Variants in ANKS1B observed in about 807,000 individuals in gnomAD.
ANKS1B encodes ankyrin repeat and sterile alpha motif domain containing 1B.
Under a neutral mutation model 148.3 loss-of-function variants are expected in ANKS1B, and 36 were observed. The observed-to-expected ratio is 0.24, with a 90% CI of 0.19 to 0.32. The LOEUF is 0.32. Among genes scored for constraint, ANKS1B ranks in the 10% least tolerant of loss-of-function variants. The pLI is 1.00. For missense variants in ANKS1B, 1,157 were observed against 1,542.6 expected (o/e 0.75, Z 4.19); for synonymous variants, 542 against 560.8 (o/e 0.97, Z 0.47).
chr12:98,975,279 T>A (rs933776209), intron 17 of ANKS1B, among the ~76,000 whole-genome samples: 2 of 143,702 alleles, frequency 1.4e-5, no homozygotes, highest in Non-Finnish European at 3.1e-5. Context: ...CTCCCTCCCT[T>A]CCTTTTTTCT....
intron 15 of ANKS1B, among the ~76,000 whole-genome samples, chr12:99,135,394 C>T (rs113117463): frequency 2.0e-5 from 3 of 152,028 alleles, no homozygotes; most frequent in Admixed American, 2.0e-4. Context: ...CAAAATGTAC[C>T]TTTATATTTA....
rs192206025 is a variant in ANKS1B, at chr12:99,512,450, G to A, written c.1273-7809C>T. 8.5e-4 allele frequency among the ~76,000 whole-genome samples: 130 copies of A among 152,224 alleles called. 1 individual carries two copies. The South Asian group carries it at 0.012, about 14-fold the overall frequency. On this transcript the variant is annotated intron_variant, in intron 9 of 26. Coordinates refer to ENST00000683438, the MANE Select transcript of ANKS1B (RefSeq NM_001352186.2). The stretch of plus-strand genomic sequence containing the variant: ...AAAAAGGAATGCTTTCATACTGTTG[G>A]TGGGAGTGTAAATTAGTTCAACCAT...
At chr12:99,904,175 C>A (rs1432063721) in intron 1 of ANKS1B, among the ~76,000 whole-genome samples, 1 of 149,520 alleles carries the variant, frequency 6.7e-6, no homozygotes, top group East Asian at 1.9e-4. Context: ...ATTCCATTTA[C>A]ATCTGAAACC....
chr12:99,099,796 C>G (rs756628175), intron 15 of ANKS1B: 1 of 152,094 alleles, frequency 6.6e-6, no homozygotes, highest in Non-Finnish European at 1.5e-5. Flanking sequence ...TTACACAGAA[C>G]ATTAAATAGT....
At chr12:99,601,899 C>T (rs1038833342) in intron 9 of ANKS1B, among the ~76,000 whole-genome samples, 1 of 151,974 alleles carries the variant, frequency 6.6e-6, no homozygotes, top group Admixed American at 6.6e-5. Flanking sequence ...GTCCGGACCC[C>T]TTCTGAAATG....
intron 15 of ANKS1B, among the ~76,000 whole-genome samples, chr12:99,121,695 A>G (rs990917223): frequency 6.6e-6 from 1 of 152,196 alleles, no homozygotes; most frequent in African/African-American, 2.4e-5. Flanking sequence ...CGGGATGAAC[A>G]GTGGCTGCTC....
At chr12:99,143,849 C>T (rs530951535) in intron 15 of ANKS1B, among the ~76,000 whole-genome samples, 260 of 152,156 alleles carry the variant, frequency 1.7e-3, no homozygotes, top group Non-Finnish European at 3.5e-3. Flanking sequence ...GGAATGCTCA[C>T]GCTACTTTTG....
At chr12:99,773,187 T>C in intron 7 of ANKS1B, 99 bp from the exon 8 acceptor site, 4 of 947,544 alleles carry the variant, frequency 4.2e-6, no homozygotes, top group Non-Finnish European at 6.2e-6. Flanking sequence ...GAACTCAAAA[T>C]ATAACAAGAT....
intron 17 of ANKS1B, among the ~76,000 whole-genome samples, chr12:98,894,391 G>T (rs1299315939): frequency 6.6e-6 from 1 of 152,002 alleles, no homozygotes; most frequent in East Asian, 1.9e-4. Context: ...CTTAACCCGG[G>T]GGTGGTGGGG....
At chr12:99,025,889 A>G (rs1054508700) in intron 17 of ANKS1B, among the ~76,000 whole-genome samples, 23 of 152,224 alleles carry the variant, frequency 1.5e-4, no homozygotes, top group Admixed American at 1.3e-3. Flanking sequence ...GATTAGTGAC[A>G]ACATGTGCAA....
chr12:98,945,891 G>A (rs2099844748), intron 17 of ANKS1B, among the ~76,000 whole-genome samples: 1 of 152,168 alleles, frequency 6.6e-6, no homozygotes. Context: ...CAGTTTTACA[G>A]CTTCTTGAAC....
At chr12:99,205,495 G>C (rs1377010814) in intron 14 of ANKS1B, among the ~76,000 whole-genome samples, 2 of 152,160 alleles carry the variant, frequency 1.3e-5, no homozygotes, top group Non-Finnish European at 2.9e-5. Context: ...GGACCCAAAT[G>C]ACACTGCTGA....
intron 10 of ANKS1B, among the ~76,000 whole-genome samples, chr12:99,467,962 A>C (rs2096159566): frequency 6.6e-6 from 1 of 152,222 alleles, no homozygotes; most frequent in African/African-American, 2.4e-5. Context: ...TGGAAGCAAA[A>C]AAGAGCCCAC....
intron 10 of ANKS1B, among the ~76,000 whole-genome samples, chr12:99,458,448 A>C (rs1040630468): frequency 6.6e-6 from 1 of 151,752 alleles, no homozygotes; most frequent in Non-Finnish European, 1.5e-5. Context: ...TTGAAAAAAA[A>C]AAAATACAAA....
chr12:99,806,768 TAATTTAA>T, intron 3 of ANKS1B, 68 bp from the exon 4 acceptor site: 1 of 1,444,888 alleles, frequency 6.9e-7, no homozygotes, highest in Non-Finnish European at 9.5e-7. Context: ...CTTAACACAG[TAATTTAA>T]AACCTGCAAT....
At chr12:99,575,258 A>G (rs558175129) in intron 9 of ANKS1B, among the ~76,000 whole-genome samples, 1 of 152,176 alleles carries the variant, frequency 6.6e-6, no homozygotes, top group South Asian at 2.1e-4. Flanking sequence ...AAGAAAAGCA[A>G]TTCCAACCAA....
rs1269258050 is a variant in ANKS1B at position 98,751,553 on chromosome 12, T to C, written c.3580-31A>G. On this transcript the variant is annotated intron_variant, in intron 25 of 26. Coordinates refer to ENST00000683438, the MANE Select transcript of ANKS1B (RefSeq NM_001352186.2). The surrounding 1 kb of genome is among the most constrained non-coding windows in gnomAD (Gnocchi z 4.3). ...AGAAAAATGAGAAAGCATTTGCTAC[T>C]GGCACACTGCAAATTAGAATGGGTC... 1.2e-6 allele frequency: 2 copies of C among 1,608,592 alleles called. No homozygotes were observed. The highest frequency in any genetic ancestry group is 2.7e-5 in the African/African-American group (2 of 74,900).
intron 8 of ANKS1B, chr12:99,706,683 C>A (rs1345886349): frequency 6.6e-6 from 1 of 152,092 alleles, no homozygotes; most frequent in Non-Finnish European, 1.5e-5. Context: ...AGTTATGTCA[C>A]ATAAGATTGT....
chr12:99,360,152 C>T (rs746550895), intron 12 of ANKS1B, among the ~76,000 whole-genome samples: 1 of 152,136 alleles, frequency 6.6e-6, no homozygotes, highest in Non-Finnish European at 1.5e-5. Context: ...AACTGACTGG[C>T]AGCAAAATGC....
Sources: allele counts gnomAD v4.1 joint callset (sites outside exome capture counted in the v4.1 genomes callset), GRCh38; gene constraint gnomAD v4.1.1; non-coding constraint Gnocchi (gnomAD v3.1); transcripts MANE v1.5; gene names NCBI Gene and HGNC (gene_info 2026-07-23, HGNC 2026-07-21).